ATP10A: variants seen among roughly 807,000 people sequenced by gnomAD.
ATP10A encodes the protein ATPase phospholipid transporting 10A (putative).
ATP10A carries 111 observed loss-of-function variants against 147.8 expected under a neutral mutation model. That is an observed-to-expected ratio of 0.75 (90% CI 0.64 to 0.88). ATP10A has a LOEUF of 0.88. Among genes scored for constraint, ATP10A ranks in the 40% least tolerant of loss-of-function variants. ATP10A has a pLI of 0.00. For missense variants in ATP10A, 1,927 were observed against 1,959.0 expected, an observed-to-expected ratio of 0.98 and a Z score of 0.31; for synonymous variants, 875 against 841.6, an observed-to-expected ratio of 1.04 and a Z score of -0.69.
At chr15:25,827,455 C>T (rs1892164167) in intron 1 of ATP10A, among the ~76,000 whole-genome samples, 1 of 152,170 alleles carries the variant, frequency 6.6e-6, no homozygotes, top group Admixed American at 6.5e-5. Flanking sequence ...TGTTGATGGG[C>T]ATACAAGGTA....
chr15:25,826,879 T>G (rs1446352532), intron 1 of ATP10A, among the ~76,000 whole-genome samples: 1 of 152,148 alleles, frequency 6.6e-6, no homozygotes, highest in African/African-American at 2.4e-5. Flanking sequence ...TATCTGCACA[T>G]GTAAGAAGCT....
Position 25,713,813 on chromosome 15 carries a change from C to A in ATP10A, c.2205G>T (p.Glu735Asp). 6.2e-7 allele frequency: 1 copy of A among 1,614,098 alleles called. No individual in the cohort carries two copies. Among genetic ancestry groups the A allele is most frequent in the Non-Finnish European group, 8.5e-7 (1 of 1,180,026 alleles). The change falls in exon 10 of 21, where the codon GAG becomes GAT. Residue 735 changes from glutamate to aspartate, a missense_variant. Transcript: ENST00000555815. ...AATCGAAACCCAGTGTGTGCAGGAG[C>A]TCGAAGGTGAGCCTGCCCAGGTGGG... ...ELPHLGRLTF[E>D]LLHTLGFDSV...
At chr15:25,744,938 C>T (rs1004625971) in intron 2 of ATP10A, among the ~76,000 whole-genome samples, 3 of 152,142 alleles carry the variant, frequency 2.0e-5, no homozygotes, top group African/African-American at 7.2e-5. Flanking sequence ...CAACAAACCG[C>T]AGATGCAAGA....
At chr15:25,739,710 G>A (rs573571071) in intron 2 of ATP10A, among the ~76,000 whole-genome samples, 2 of 152,334 alleles carry the variant, frequency 1.3e-5, no homozygotes, top group East Asian at 3.9e-4. Flanking sequence ...ACACCGTGAA[G>A]GGTTCGCCCA....
At chr15:25,778,286 G>A (rs1889723975) in intron 2 of ATP10A, among the ~76,000 whole-genome samples, 1 of 152,156 alleles carries the variant, frequency 6.6e-6, no homozygotes, top group Non-Finnish European at 1.5e-5. Flanking sequence ...TAACCTGTCT[G>A]AGACAAGCTA....
chr15:25,745,196 C>T (rs1252436444), intron 2 of ATP10A, among the ~76,000 whole-genome samples: 1 of 151,946 alleles, frequency 6.6e-6, no homozygotes. Context: ...TGTGATGTCA[C>T]GTGTCTGTAA....
chr15:25,690,541 G>A (rs1278870762), intron 15 of ATP10A, among the ~76,000 whole-genome samples: 1 of 152,096 alleles, frequency 6.6e-6, no homozygotes, highest in Admixed American at 6.5e-5. Flanking sequence ...TGCCTGGCCC[G>A]CTTTAATTTT....
chr15:25,768,694 T>C (rs909105141), intron 2 of ATP10A, among the ~76,000 whole-genome samples: 5 of 145,706 alleles, frequency 3.4e-5, no homozygotes, highest in Non-Finnish European at 7.5e-5. Flanking sequence ...TTTTTTTTTT[T>C]TTTTTTTTTT....
At chr15:25,822,134 T>C (rs971099369) in intron 1 of ATP10A, among the ~76,000 whole-genome samples, 2 of 152,224 alleles carry the variant, frequency 1.3e-5, no homozygotes, top group African/African-American at 4.8e-5. Flanking sequence ...GTTATTATAT[T>C]GTATTGTTTA....
At chr15:25,829,778 A>G (rs1444978720) in intron 1 of ATP10A, among the ~76,000 whole-genome samples, 1 of 152,078 alleles carries the variant, frequency 6.6e-6, no homozygotes, top group Non-Finnish European at 1.5e-5. Flanking sequence ...GCCAAGGCGT[A>G]GTGGGATGGG....
chr15:25,741,360 G>A (rs1219000800), intron 2 of ATP10A, among the ~76,000 whole-genome samples: 1 of 152,150 alleles, frequency 6.6e-6, no homozygotes, highest in African/African-American at 2.4e-5. Flanking sequence ...CATCTCCCAA[G>A]AGGGCCTGCT....
intron 1 of ATP10A, among the ~76,000 whole-genome samples, chr15:25,836,539 C>T (rs1269794525): frequency 6.6e-6 from 1 of 152,198 alleles, no homozygotes; most frequent in Non-Finnish European, 1.5e-5. Flanking sequence ...CATCAAACTC[C>T]TGTCTACCCA....
chr15:25,861,124 C>G (rs2140928220), intron 1 of ATP10A, among the ~76,000 whole-genome samples: 1 of 151,026 alleles, frequency 6.6e-6, no homozygotes, highest in East Asian at 2.0e-4. Flanking sequence ...GCTGACTGGC[C>G]AAAGAGCAAG....
chr15:25,820,857 G>T (rs1318386843), intron 1 of ATP10A, among the ~76,000 whole-genome samples: 1 of 152,050 alleles, frequency 6.6e-6, no homozygotes, highest in African/African-American at 2.4e-5. Flanking sequence ...GCATATTTCA[G>T]GGTTCAAAAG....
chr15:25,836,472 T>C (rs1194882055), intron 1 of ATP10A, among the ~76,000 whole-genome samples: 1 of 152,114 alleles, frequency 6.6e-6, no homozygotes, highest in African/African-American at 2.4e-5. Flanking sequence ...ATGAGAAGCA[T>C]TTAAGGCTCA....
At chr15:25,795,640 C>T (rs1258124541) in intron 1 of ATP10A, among the ~76,000 whole-genome samples, 1 of 152,206 alleles carries the variant, frequency 6.6e-6, no homozygotes, top group African/African-American at 2.4e-5. Flanking sequence ...AGCACTAAGA[C>T]ATCTGTCTGG....
intron 2 of ATP10A, among the ~76,000 whole-genome samples, chr15:25,755,880 A>G (rs572187218): frequency 6.6e-6 from 1 of 152,358 alleles, no homozygotes; most frequent in East Asian, 1.9e-4. Flanking sequence ...TGTAAAAGAA[A>G]TTTACATCTA....
intron 1 of ATP10A, among the ~76,000 whole-genome samples, chr15:25,833,064 C>T (rs1393204468): frequency 6.8e-6 from 1 of 146,022 alleles, no homozygotes; most frequent in Non-Finnish European, 1.5e-5. Context: ...CTCACTGCAA[C>T]CTCCGCCTCC....
intron 1 of ATP10A, among the ~76,000 whole-genome samples, chr15:25,820,459 A>G (rs1891833122): frequency 6.6e-6 from 1 of 152,200 alleles, no homozygotes; most frequent in African/African-American, 2.4e-5. Context: ...CTCCTGACAG[A>G]AGAGCAATCC....
Sources: allele counts gnomAD v4.1 joint callset (sites outside exome capture counted in the v4.1 genomes callset), GRCh38; gene constraint gnomAD v4.1.1; transcripts MANE v1.5; gene names NCBI Gene and HGNC (gene_info 2026-07-23, HGNC 2026-07-21).